The following ARFGEF2 variants were observed in gnomAD, a reference collection of about 807,000 sequenced individuals.
ARFGEF2 encodes the protein ARF guanine nucleotide exchange factor 2.
A neutral mutation model predicts 219.9 loss-of-function variants in ARFGEF2; 74 were observed. The observed-to-expected ratio is 0.34, with a 90% CI of 0.28 to 0.41. ARFGEF2 has a LOEUF of 0.41. Among genes scored for constraint, ARFGEF2 ranks in the 10% least tolerant of loss-of-function variants. The pLI is 1.00. For synonymous variants in ARFGEF2, 733 were observed against 799.2 expected, an observed-to-expected ratio of 0.92 and a Z score of 1.40; for missense variants, 1,743 against 2,218.3, an observed-to-expected ratio of 0.79 and a Z score of 4.30.
At chr20:48,978,421 T>C (rs2123435214) in intron 14 of ARFGEF2, among the ~76,000 whole-genome samples, 1 of 152,332 alleles carries the variant, frequency 6.6e-6, no homozygotes, top group African/African-American at 2.4e-5. Context: ...CTAGATTTGT[T>C]CTTTTTGCTT....
chr20:48,979,338 G>C (rs1031036359), intron 14 of ARFGEF2, among the ~76,000 whole-genome samples: 2 of 152,184 alleles, frequency 1.3e-5, no homozygotes, highest in Non-Finnish European at 2.9e-5. Context: ...CTTGATCGTG[G>C]TGGATAAGCT....
chr20:49,011,247 G>A (rs1017579619), intron 27 of ARFGEF2, among the ~76,000 whole-genome samples: 4 of 152,138 alleles, frequency 2.6e-5, no homozygotes, highest in African/African-American at 9.7e-5. Flanking sequence ...GTCTTGATCA[G>A]CTGATGAAAA....
At chr20:48,986,071 C>T (rs537874210) in intron 16 of ARFGEF2, among the ~76,000 whole-genome samples, 1 of 152,278 alleles carries the variant, frequency 6.6e-6, no homozygotes, top group African/African-American at 2.4e-5. Flanking sequence ...ATGATTTTAT[C>T]TGGGGACCTT....
At chr20:48,980,505 G>A (rs2091288418) in intron 14 of ARFGEF2, among the ~76,000 whole-genome samples, 1 of 152,182 alleles carries the variant, frequency 6.6e-6, no homozygotes, top group Non-Finnish European at 1.5e-5. Flanking sequence ...GGTCCACTTG[G>A]TGCAGAGCTG....
chr20:49,001,625 G>A (rs554369147), intron 25 of ARFGEF2, among the ~76,000 whole-genome samples: 39 of 152,204 alleles, frequency 2.6e-4, no homozygotes, highest in Non-Finnish European at 5.3e-4. Context: ...TATTCTTTTT[G>A]TTAGTCTCTA....
chr20:49,005,975 C>T (rs1262464466), intron 26 of ARFGEF2, among the ~76,000 whole-genome samples: 1 of 151,974 alleles, frequency 6.6e-6, no homozygotes, highest in Non-Finnish European at 1.5e-5. Flanking sequence ...TTGCCATCTG[C>T]TAGGTACTAT....
intron 26 of ARFGEF2, 25 bp downstream of exon 26, chr20:49,005,246 C>G: frequency 6.2e-7 from 1 of 1,613,814 alleles, no homozygotes; most frequent in Non-Finnish European, 8.5e-7. Flanking sequence ...CTGGAAGACG[C>G]TTGGTCAAAT....
intron 25 of ARFGEF2, among the ~76,000 whole-genome samples, chr20:48,999,870 T>G (rs964159900): frequency 6.6e-6 from 1 of 152,062 alleles, no homozygotes; most frequent in Non-Finnish European, 1.5e-5. Context: ...TCAAGAAAAT[T>G]TTCTCAAACC....
In ARFGEF2 at chr20:48,944,632, A is replaced by G. The variant is rs535203225; in HGVS notation, c.276+2645A>G. ...TGCACAACCACACCCAGATAATTTTATTTTTATATTTTTTGTAGAGACAGG... is the reference window on the plus strand; with the variant it reads ...TGCACAACCACACCCAGATAATTTTGTTTTTATATTTTTTGTAGAGACAGG... On this transcript the variant is annotated intron_variant, in intron 3 of 38. Coordinates refer to ENST00000371917, the MANE Select transcript of ARFGEF2 (RefSeq NM_006420.3). Among the ~76,000 whole-genome samples, 3 of 152,132 alleles carry G rather than the reference A, an allele frequency of 2.0e-5. No individual in the cohort carries two copies. In the East Asian group the frequency reaches 5.8e-4, roughly 29 times the overall value.
chr20:48,975,279 C>T (rs1006065841), intron 13 of ARFGEF2, among the ~76,000 whole-genome samples: 1 of 152,154 alleles, frequency 6.6e-6, no homozygotes, highest in African/African-American at 2.4e-5. Flanking sequence ...AACTCCTGGG[C>T]TCAAGCGATC....
chr20:48,987,125 T>C (rs1198821022), intron 16 of ARFGEF2, among the ~76,000 whole-genome samples: 1 of 152,350 alleles, frequency 6.6e-6, no homozygotes, highest in East Asian at 1.9e-4. Flanking sequence ...AAAGGCAGCA[T>C]ATCATCATTT....
At chr20:49,021,039 C>G (rs2091562289) in intron 34 of ARFGEF2, among the ~76,000 whole-genome samples, 1 of 152,006 alleles carries the variant, frequency 6.6e-6, no homozygotes, top group South Asian at 2.1e-4. Flanking sequence ...TGTACATCTT[C>G]TGGAACTCCA....
intron 12 of ARFGEF2, among the ~76,000 whole-genome samples, 171 bp from the exon 13 acceptor site, chr20:48,974,595 A>G (rs1282272690): frequency 1.3e-5 from 2 of 152,160 alleles, no homozygotes; most frequent in Non-Finnish European, 2.9e-5. Context: ...GGGCTTTTGC[A>G]ATGTATCCTT....
intron 14 of ARFGEF2, among the ~76,000 whole-genome samples, chr20:48,978,826 A>G (rs1288272910): frequency 5.3e-5 from 8 of 152,188 alleles, no homozygotes; most frequent in Admixed American, 5.2e-4. Flanking sequence ...TTGATTTTAT[A>G]TTCTGAGACT....
chr20:49,014,903 A>G (rs754540778), intron 30 of ARFGEF2, among the ~76,000 whole-genome samples: 3 of 152,238 alleles, frequency 2.0e-5, no homozygotes, highest in African/African-American at 7.2e-5. Context: ...AAACACTCAC[A>G]GTTGCGGTTT....
intron 3 of ARFGEF2, 30 bp from the exon 4 acceptor site, chr20:48,951,293 A>G: frequency 6.2e-7 from 1 of 1,613,324 alleles, no homozygotes; most frequent in Non-Finnish European, 8.5e-7. Context: ...CCAAGCAGAA[A>G]TGTATAATCT....
chr20:48,994,736 G>A, intron 22 of ARFGEF2, 138 bp downstream of exon 22: 1 of 1,299,228 alleles, frequency 7.7e-7, no homozygotes, highest in South Asian at 1.3e-5. Context: ...AATGCAAGTG[G>A]ACGTGCTGCT....
chr20:49,022,410 A>AC (rs2091570725), intron 34 of ARFGEF2, among the ~76,000 whole-genome samples: 1 of 142,056 alleles, frequency 7.0e-6, no homozygotes, highest in African/African-American at 2.7e-5. Flanking sequence ...CTCTATTTAA[A>AC]AAACAACAAC....
rs368526876 is a variant in ARFGEF2 at position 49,000,630 on chromosome 20, C to T, written c.3432+2125C>T. Among the ~76,000 whole-genome samples, 20 of 152,296 alleles carry T rather than the reference C, an allele frequency of 1.3e-4. No homozygotes were observed. The East Asian group carries it at 2.9e-3, about 22-fold the overall frequency. On this transcript the variant is annotated intron_variant, in intron 25 of 38. Transcript: ENST00000371917. ...TTGAGAAAGAAAATGTGAATCATTG[C>T]GACTACTGTACCTTGTATTCTTGTC...
Sources: gnomAD v4.1 joint callset for allele counts (sites outside exome capture counted in the v4.1 genomes callset) on GRCh38, gnomAD v4.1.1 for gene constraint, MANE v1.5 for transcripts, NCBI Gene and HGNC (gene_info 2026-07-23, HGNC 2026-07-21) for gene names.